Variants in FUT8 observed in about 807,000 individuals in gnomAD.
FUT8 encodes the protein alpha-(1,6)-fucosyltransferase.
Under a neutral mutation model 71.3 loss-of-function variants are expected in FUT8, and 29 were observed. The observed-to-expected ratio is 0.41, with a 90% CI of 0.30 to 0.55. FUT8 has a LOEUF of 0.55. FUT8 is among the 20% of genes least tolerant of loss of function. The pLI is 0.34. For missense variants in FUT8, 544 were observed against 702.1 expected, an observed-to-expected ratio of 0.77 and a Z score of 2.55; for synonymous variants, 254 against 239.3, an observed-to-expected ratio of 1.06 and a Z score of -0.57.
intron 7 of FUT8, among the ~76,000 whole-genome samples, chr14:65,712,715 G>T (rs1008340517): frequency 1.3e-5 from 2 of 152,286 alleles, no homozygotes; most frequent in East Asian, 3.9e-4. Context: ...AAAGTGCTGG[G>T]ATTACAGGCG....
intron 1 of FUT8, among the ~76,000 whole-genome samples, chr14:65,452,478 A>G (rs2065842536): frequency 6.6e-6 from 1 of 152,218 alleles, no homozygotes; most frequent in South Asian, 2.1e-4. Flanking sequence ...GGAACAAAGC[A>G]GTGGAACCCA....
At chr14:65,366,047 C>T in the FUT8 span, among the ~76,000 whole-genome samples, 1 of 152,082 alleles carries the variant, frequency 6.6e-6, no homozygotes, top group African/African-American at 2.4e-5. Flanking sequence ...ACTTTATGGA[C>T]TCACCCTGAA....
intron 3 of FUT8, among the ~76,000 whole-genome samples, chr14:65,572,025 C>A (rs537502525): frequency 6.6e-6 from 1 of 152,118 alleles, no homozygotes; most frequent in Non-Finnish European, 1.5e-5. Flanking sequence ...CATAGTCTTA[C>A]AAGTTTTTTG....
chr14:65,704,126 A>G (rs909556067), intron 7 of FUT8, among the ~76,000 whole-genome samples: 1 of 152,190 alleles, frequency 6.6e-6, no homozygotes, highest in Non-Finnish European at 1.5e-5. Flanking sequence ...AAATAGCCTT[A>G]AAGCCATTGT....
intron 1 of FUT8, among the ~76,000 whole-genome samples, chr14:65,450,056 A>G (rs1379345097): frequency 2.0e-5 from 3 of 152,036 alleles, no homozygotes; most frequent in Non-Finnish European, 4.4e-5. Context: ...TCTTCATTTC[A>G]TATGTGATTT....
intron 6 of FUT8, among the ~76,000 whole-genome samples, chr14:65,659,167 C>T (rs1891837381): frequency 6.6e-6 from 1 of 151,286 alleles, no homozygotes; most frequent in African/African-American, 2.4e-5. Flanking sequence ...GAAAGGTGAT[C>T]TTGAGGTGTT....
intron 3 of FUT8, among the ~76,000 whole-genome samples, chr14:65,571,982 A>G (rs1198306699): frequency 6.6e-6 from 1 of 151,258 alleles, no homozygotes; most frequent in African/African-American, 2.4e-5. Flanking sequence ...CTCTTAGTGA[A>G]TTTGGATTCA....
intron 2 of FUT8, among the ~76,000 whole-genome samples, chr14:65,515,653 GAATTA>G (rs1882665152): frequency 6.6e-6 from 1 of 152,032 alleles, no homozygotes; most frequent in Non-Finnish European, 1.5e-5. Context: ...AATGAGTTAT[GAATTA>G]AATTAGTGTT....
At chr14:65,707,695 A>T (rs187683408) in intron 7 of FUT8, among the ~76,000 whole-genome samples, 145 of 152,214 alleles carry the variant, frequency 9.5e-4, no homozygotes, top group Non-Finnish European at 1.5e-3. Flanking sequence ...TCCTCTGCAT[A>T]TCCAGTTTTC....
intron 2 of FUT8, among the ~76,000 whole-genome samples, chr14:65,559,141 A>G (rs553601105): frequency 1.1e-3 from 174 of 152,244 alleles, no homozygotes; most frequent in African/African-American, 3.8e-3. Context: ...ATGTTTCAGC[A>G]TGTCTTTTTA....
At chr14:65,516,113 A>G (rs746445719) in intron 2 of FUT8, 2 of 151,856 alleles carry the variant, frequency 1.3e-5, no homozygotes, top group Non-Finnish European at 2.9e-5. Context: ...GTTGTGTGCT[A>G]TTGTTGTGCT....
intron 7 of FUT8, among the ~76,000 whole-genome samples, chr14:65,675,200 T>G (rs1673074273): frequency 6.6e-6 from 1 of 152,056 alleles, no homozygotes; most frequent in Non-Finnish European, 1.5e-5. Flanking sequence ...AACTGAAGCT[T>G]TGTCCACATT....
At chr14:65,724,122 A>G in intron 8 of FUT8, 25 bp from the exon 9 acceptor site, 1 of 1,540,108 alleles carries the variant, frequency 6.5e-7, no homozygotes, top group South Asian at 1.3e-5. Flanking sequence ...GTACATTACC[A>G]GTAGAATCTG....
intron 7 of FUT8, among the ~76,000 whole-genome samples, chr14:65,685,747 G>A (rs1893256672): frequency 6.6e-6 from 1 of 152,170 alleles, no homozygotes; most frequent in Non-Finnish European, 1.5e-5. Flanking sequence ...AGACCATATA[G>A]GGTAACTTCA....
chr14:65,577,544 T>C (rs760189639), intron 3 of FUT8, among the ~76,000 whole-genome samples: 4 of 152,190 alleles, frequency 2.6e-5, no homozygotes, highest in Non-Finnish European at 5.9e-5. Context: ...TAAACAGATT[T>C]TTAGCTGCTA....
chr14:65,559,810 AAG>A (rs1291714932), intron 2 of FUT8, among the ~76,000 whole-genome samples: 1 of 152,090 alleles, frequency 6.6e-6, no homozygotes, highest in Non-Finnish European at 1.5e-5. Context: ...GGGATTGAGA[AAG>A]AGTTTTAAGA....
At chr14:65,586,552 T>A (rs1887395310) in intron 3 of FUT8, among the ~76,000 whole-genome samples, 1 of 152,254 alleles carries the variant, frequency 6.6e-6, no homozygotes, top group South Asian at 2.1e-4. Flanking sequence ...GTATTTGATA[T>A]AAAGTTTAAC....
At chr14:65,699,123 C>T (rs569382662) in intron 7 of FUT8, among the ~76,000 whole-genome samples, 36 of 148,196 alleles carry the variant, frequency 2.4e-4, no homozygotes, top group Non-Finnish European at 3.7e-4. Context: ...TTGTGTATGT[C>T]ATGTAAACAC....
chr14:65,441,971 C>G (rs189804180), intron 1 of FUT8, among the ~76,000 whole-genome samples: 2 of 151,898 alleles, frequency 1.3e-5, no homozygotes, highest in Non-Finnish European at 2.9e-5. Flanking sequence ...CGACAGGCCC[C>G]GGTGTGTGAT....
Sources: allele counts gnomAD v4.1 joint callset (sites outside exome capture counted in the v4.1 genomes callset), GRCh38; gene constraint gnomAD v4.1.1; transcripts MANE v1.5; gene names NCBI Gene and HGNC (gene_info 2026-07-23, HGNC 2026-07-21).